Variants in CLVS1 observed in about 807,000 individuals in gnomAD.
CLVS1 encodes the protein clavesin-1.
In CLVS1, 10 loss-of-function variants were observed where a neutral mutation model predicts 33.1. That is an observed-to-expected ratio of 0.30 (90% CI 0.19 to 0.51). The LOEUF (loss-of-function observed/expected upper bound fraction) is 0.51, where lower values mean the gene tolerates loss of function less well. Ranked by LOEUF, CLVS1 falls within the 20% of genes least tolerant of loss-of-function variation. The pLI is 0.97. For missense variants in CLVS1, 343 were observed against 433.4 expected, an observed-to-expected ratio of 0.79 and a Z score of 1.85; for synonymous variants, 163 against 166.1, an observed-to-expected ratio of 0.98 and a Z score of 0.14.
chr8:61,451,810 C>G (rs1024346729), intron 3 of CLVS1, among the ~76,000 whole-genome samples: 40 of 137,488 alleles, frequency 2.9e-4, no homozygotes, highest in East Asian at 1.4e-3. Context: ...CACACACACA[C>G]ACAGAGAGAG....
At chr8:61,418,947 A>T (rs1278676854) in intron 3 of CLVS1, among the ~76,000 whole-genome samples, 1 of 152,102 alleles carries the variant, frequency 6.6e-6, no homozygotes, top group East Asian at 1.9e-4. Flanking sequence ...CGTGCCAGGA[A>T]CACATTGTCC....
chr8:61,321,763 T>C (rs1267098223), intron 2 of CLVS1, among the ~76,000 whole-genome samples: 2 of 152,146 alleles, frequency 1.3e-5, no homozygotes, highest in Non-Finnish European at 2.9e-5. Flanking sequence ...AATTTTATTT[T>C]ATTTTCAAAT....
chr8:61,164,206 C>T (rs1806809703), intron 2 of CLVS1, among the ~76,000 whole-genome samples: 1 of 152,184 alleles, frequency 6.6e-6, no homozygotes, highest in African/African-American at 2.4e-5. Context: ...CGGTCACCTT[C>T]CCCAACTAGG....
At position 61,182,169 on chromosome 8, in the gene CLVS1, C is replaced by T. The variant is rs371721017; in HGVS notation, c.-152+50309C>T. On this transcript the variant is annotated intron_variant, in intron 2 of 2. Transcript: ENST00000522621. ...CTGGACCCCTTCCTTACACCTTATA[C>T]AAAAATTAACTCAAGATGGATTAAA... Among the ~76,000 whole-genome samples, 19 of 152,222 alleles carry T rather than the reference C, an allele frequency of 1.2e-4. No individual in the cohort carries two copies. In the East Asian group the frequency reaches 1.9e-3, roughly 15 times the overall value.
chr8:61,446,583 T>A (rs1479903482), intron 3 of CLVS1, among the ~76,000 whole-genome samples: 1 of 152,080 alleles, frequency 6.6e-6, no homozygotes, highest in Non-Finnish European at 1.5e-5. Context: ...TTCCTCTTCT[T>A]AGAAAGCCAC....
At chr8:61,096,962 C>T (rs1212359728) in intron 1 of CLVS1, among the ~76,000 whole-genome samples, 2 of 152,178 alleles carry the variant, frequency 1.3e-5, no homozygotes, top group African/African-American at 4.8e-5. Context: ...ATGGATCCTG[C>T]AGGATTCTGT....
chr8:61,137,567 T>G lies in CLVS1; in HGVS notation c.-152+5707T>G, dbSNP rs139402573. ...AGCCATCTATTATACTTCCCCAGTCTCCTTTCCTCAAGTGCCGAGCGTCTT... is the reference window on the plus strand; with the variant it reads ...AGCCATCTATTATACTTCCCCAGTCGCCTTTCCTCAAGTGCCGAGCGTCTT... On this transcript the variant is annotated intron_variant, in intron 2 of 2. Coordinates refer to the CLVS1 transcript ENST00000522621. Among the ~76,000 whole-genome samples the G allele has an allele frequency of 4.1e-3, 624 of 152,280 alleles. 5 individuals carry two copies. Among genetic ancestry groups the G allele is most frequent in the African/African-American group, 0.014 (576 of 41,538 alleles).
the CLVS1 span, among the ~76,000 whole-genome samples, chr8:61,039,051 T>A: frequency 2.2e-3 from 338 of 152,340 alleles, no homozygotes; most frequent in Non-Finnish European, 3.7e-3. Flanking sequence ...TTCAATTTTT[T>A]CTCACATAAT....
At chr8:61,364,148 T>C (rs1021387194) in intron 2 of CLVS1, among the ~76,000 whole-genome samples, 1 of 152,214 alleles carries the variant, frequency 6.6e-6, no homozygotes. Context: ...TTTTGAAGGA[T>C]GATCAAGCCA....
intron 2 of CLVS1, among the ~76,000 whole-genome samples, chr8:61,312,818 G>A (rs886836709): frequency 1.3e-5 from 2 of 152,156 alleles, no homozygotes; most frequent in African/African-American, 4.8e-5. Flanking sequence ...TCTTCATGCT[G>A]CCTAATTATG....
chr8:61,239,466 C>T (rs1808646859), intron 2 of CLVS1, among the ~76,000 whole-genome samples: 1 of 152,068 alleles, frequency 6.6e-6, no homozygotes, highest in Non-Finnish European at 1.5e-5. Flanking sequence ...GGTGTGGTGG[C>T]TCACGCCTGT....
At chr8:61,098,653 T>C (rs1418890635) in intron 1 of CLVS1, among the ~76,000 whole-genome samples, 2 of 152,090 alleles carry the variant, frequency 1.3e-5, no homozygotes, top group Non-Finnish European at 2.9e-5. Flanking sequence ...GATTAACCCA[T>C]TTACCAGACA....
At chr8:61,237,096 G>A (rs1808581538) in intron 2 of CLVS1, among the ~76,000 whole-genome samples, 1 of 152,164 alleles carries the variant, frequency 6.6e-6, no homozygotes, top group South Asian at 2.1e-4. Flanking sequence ...TGATCAGTAA[G>A]ACAAAGGGGG....
intron 1 of CLVS1, among the ~76,000 whole-genome samples, chr8:61,111,182 C>T (rs188022771): frequency 2.0e-4 from 31 of 152,174 alleles, no homozygotes; most frequent in Non-Finnish European, 7.4e-5. Flanking sequence ...AATGCAATGA[C>T]GCTTAAGAGA....
intron 5 of CLVS1, among the ~76,000 whole-genome samples, chr8:61,480,173 C>T (rs1458237480): frequency 6.6e-6 from 1 of 152,218 alleles, no homozygotes; most frequent in Non-Finnish European, 1.5e-5. Context: ...TGTGCCCTGC[C>T]CCCAGAGGTG....
chr8:61,092,397 G>A (rs2129284741), intron 1 of CLVS1, among the ~76,000 whole-genome samples: 1 of 152,288 alleles, frequency 6.6e-6, no homozygotes, highest in African/African-American at 2.4e-5. Context: ...AGGAAGAGGT[G>A]GAGCGTTCAT....
chr8:61,500,310 T>TGTCTC lies in CLVS1; in HGVS notation c.*769_*773dup, dbSNP rs1464066460. 1 of 152,184 alleles carries TGTCTC rather than the reference T, an allele frequency of 6.6e-6. No individual in the cohort carries two copies. The highest frequency in any genetic ancestry group is 2.4e-5 in the African/African-American group (1 of 41,444). 9.4% of individuals were successfully genotyped at this position (152,184 alleles called of 1,614,324 possible). On this transcript the variant is annotated 3_prime_UTR_variant, in exon 6 of 6. Coordinates refer to ENST00000325897, the MANE Select transcript of CLVS1 (RefSeq NM_173519.3). ...GTGCAGCATGTGTCTGCAGAGGAGA[T>TGTCTC]GTCTCATGAAAATCACATGTCAGTG... is the stretch of plus-strand genomic sequence containing the variant.
At chr8:61,486,725 C>A (rs952200113) in intron 5 of CLVS1, among the ~76,000 whole-genome samples, 1 of 152,168 alleles carries the variant, frequency 6.6e-6, no homozygotes, top group Non-Finnish European at 1.5e-5. Flanking sequence ...GCTGGAGACT[C>A]CTCTTGGTGG....
At position 61,400,699 on chromosome 8, in the gene CLVS1, G is replaced by T. The variant is rs373487733; in HGVS notation, c.630+23920G>T. 2.0e-3 allele frequency among the ~76,000 whole-genome samples: 308 copies of T among 152,160 alleles called. 2 individuals carry two copies. Among genetic ancestry groups the T allele is most frequent in the Middle Eastern group, 6.8e-3 (2 of 294 alleles). On this transcript the variant is annotated intron_variant, in intron 3 of 5. Coordinates refer to ENST00000325897, the MANE Select transcript of CLVS1 (RefSeq NM_173519.3). ...ATATATGGCTCTTATTATTTTGAGG[G>T]ATGTTTCTTCAATACCTAGTTTATT...
Sources: allele counts gnomAD v4.1 joint callset (sites outside exome capture counted in the v4.1 genomes callset), GRCh38; gene constraint gnomAD v4.1.1; transcripts MANE v1.5; gene names NCBI Gene and HGNC (gene_info 2026-07-23, HGNC 2026-07-21).